Variants in SESTD1 observed in about 807,000 individuals in gnomAD.
SESTD1 encodes SEC14 and spectrin domain containing 1, also known as SEC14 domain and spectrin repeat-containing protein 1.
Under a neutral mutation model 101.7 loss-of-function variants are expected in SESTD1, and 43 were observed. The observed-to-expected ratio is 0.42, with a 90% CI of 0.33 to 0.55. SESTD1 has a LOEUF of 0.55. SESTD1 is among the 20% of genes least tolerant of loss of function. The probability of loss-of-function intolerance (pLI) is 0.07; values close to 1 mark genes in which losing one functional copy is unlikely to be tolerated. For missense variants in SESTD1, 647 were observed against 815.1 expected (o/e 0.79, Z 2.51); for synonymous variants, 283 against 286.8 (o/e 0.99, Z 0.13).
intron 4 of SESTD1, among the ~76,000 whole-genome samples, chr2:179,174,914 G>A (rs1390772225): frequency 6.7e-6 from 1 of 149,420 alleles, no homozygotes; most frequent in African/African-American, 2.5e-5. Context: ...CTGCACTCCA[G>A]GCTGAGTGAC....
intron 5 of SESTD1, among the ~76,000 whole-genome samples, chr2:179,158,554 T>G (rs1044648363): frequency 6.6e-6 from 1 of 152,188 alleles, no homozygotes; most frequent in African/African-American, 2.4e-5. Flanking sequence ...AGATTCACCT[T>G]CTTTTATGAC....
chr2:179,245,582 C>T (rs1046529149), intron 1 of SESTD1, among the ~76,000 whole-genome samples: 1 of 145,066 alleles, frequency 6.9e-6, no homozygotes, highest in African/African-American at 2.6e-5. Context: ...GTCCTAGCTA[C>T]TTAGGGGGAG....
At chr2:179,170,489 G>C (rs991184845) in intron 5 of SESTD1, among the ~76,000 whole-genome samples, 85 of 152,206 alleles carry the variant, frequency 5.6e-4, no homozygotes, top group African/African-American at 2.0e-3. Flanking sequence ...CCGGTTCCTG[G>C]CACAGAACTC....
At chr2:179,241,414 C>T (rs2105547240) in intron 1 of SESTD1, among the ~76,000 whole-genome samples, 2 of 152,130 alleles carry the variant, frequency 1.3e-5, no homozygotes, top group Middle Eastern at 6.8e-3. Context: ...CCAAGTTACA[C>T]CCTAATTAAA....
intron 15 of SESTD1, among the ~76,000 whole-genome samples, chr2:179,116,257 G>A (rs1305753972): frequency 6.6e-6 from 1 of 150,388 alleles, no homozygotes; most frequent in Non-Finnish European, 1.5e-5. Flanking sequence ...CTGGGCAACA[G>A]AGGAAGACTG....
At chr2:179,187,984 G>A (rs1318762444) in intron 2 of SESTD1, among the ~76,000 whole-genome samples, 1 of 152,028 alleles carries the variant, frequency 6.6e-6, no homozygotes, top group African/African-American at 2.4e-5. Flanking sequence ...CACAATAATA[G>A]CAGGGGATTT....
intron 4 of SESTD1, among the ~76,000 whole-genome samples, chr2:179,175,539 A>G (rs907769909): frequency 6.6e-6 from 1 of 152,154 alleles, no homozygotes; most frequent in African/African-American, 2.4e-5. Context: ...CCTGCCATCA[A>G]CTACTCTCAT....
At position 179,194,416 on chromosome 2, in the gene SESTD1, G is replaced by C. The variant is rs141008202; in HGVS notation, c.-25-2550C>G. Among the ~76,000 whole-genome samples, 857 of 152,192 alleles carry C rather than the reference G, an allele frequency of 5.6e-3. 5 individuals are homozygous for C. The highest frequency in any genetic ancestry group is 0.011 in the Non-Finnish European group (729 of 68,008). On this transcript the variant is annotated intron_variant, in intron 1 of 17. Transcript: ENST00000428443. ...TTTCCCAAATAAAAACTAAGCTTTG[G>C]CTCTTTCAGTAGGGGCCCTCCTCAT...
At chr2:179,112,985 A>T in intron 16 of SESTD1, 140 bp from the exon 17 acceptor site, 2 of 1,152,574 alleles carry the variant, frequency 1.7e-6, no homozygotes, top group Non-Finnish European at 2.4e-6. Flanking sequence ...TTGGTAGATT[A>T]AAGGCATTTT....
At chr2:179,185,733 T>C (rs373603100) in intron 2 of SESTD1, among the ~76,000 whole-genome samples, 73 of 44,654 alleles carry the variant, frequency 1.6e-3, no homozygotes, top group East Asian at 8.0e-3. Context: ...ATATTATATA[T>C]AATATAATAT....
At chr2:179,258,980 G>A (rs1001960529) in intron 1 of SESTD1, among the ~76,000 whole-genome samples, 2 of 152,178 alleles carry the variant, frequency 1.3e-5, no homozygotes, top group African/African-American at 4.8e-5. Context: ...TCAGTTTATA[G>A]TAGGTTCCCC....
intron 5 of SESTD1, among the ~76,000 whole-genome samples, chr2:179,161,514 T>C (rs2045735752): frequency 6.6e-6 from 1 of 151,988 alleles, no homozygotes; most frequent in African/African-American, 2.4e-5. Flanking sequence ...TGCAAAAATG[T>C]GCTGGGCGTG....
At chr2:179,193,882 C>G (rs1418636169) in intron 1 of SESTD1, among the ~76,000 whole-genome samples, 1 of 152,188 alleles carries the variant, frequency 6.6e-6, no homozygotes, top group East Asian at 1.9e-4. Flanking sequence ...TCCCGGCCAC[C>G]AGGTGGGACC....
intron 1 of SESTD1, among the ~76,000 whole-genome samples, chr2:179,230,961 C>T (rs899507891): frequency 7.9e-5 from 12 of 152,034 alleles, no homozygotes; most frequent in Non-Finnish European, 2.9e-5. Context: ...AAGCAACTTA[C>T]AGGGGCAAGA....
In SESTD1 at chr2:179,104,669, T is replaced by G. The variant is rs1386358060; in HGVS notation, c.*5230A>C. 6.6e-6 allele frequency: 1 copy of G among 152,134 alleles called. No homozygotes were observed. The highest frequency in any genetic ancestry group is 2.4e-5 in the African/African-American group (1 of 41,428). The allele number at this position is 152,134 out of a possible 1,614,324, so 9.4% of individuals were successfully genotyped here. A position where few individuals can be genotyped will look rare whatever the true frequency, so the allele number is the denominator to read the frequency against. On this transcript the variant is annotated 3_prime_UTR_variant, in exon 18 of 18. Transcript: ENST00000428443. The stretch of plus-strand genomic sequence containing the variant: ...CCCTTTTGTCAGAAAGTTTTCTACA[T>G]GCCTAACTTAAAATCCCTAATAACA...
At chr2:179,164,726 G>A (rs1182519918) in intron 5 of SESTD1, among the ~76,000 whole-genome samples, 2 of 152,108 alleles carry the variant, frequency 1.3e-5, no homozygotes, top group East Asian at 1.9e-4. Context: ...ATAGTAAGGA[G>A]GTTACCTAGA....
At chr2:179,233,964 T>C (rs1487857421) in intron 1 of SESTD1, among the ~76,000 whole-genome samples, 3 of 152,208 alleles carry the variant, frequency 2.0e-5, no homozygotes, top group South Asian at 2.1e-4. Flanking sequence ...TGGGCCACAG[T>C]GTGTCCAGGT....
At chr2:179,111,675 T>C (rs574555052) in intron 17 of SESTD1, among the ~76,000 whole-genome samples, 23 of 152,212 alleles carry the variant, frequency 1.5e-4, no homozygotes, top group African/African-American at 4.6e-4. Context: ...TTATTTTCAG[T>C]AAGAATCAGG....
intron 1 of SESTD1, among the ~76,000 whole-genome samples, chr2:179,230,114 T>TC (rs1491528980): frequency 0.015 from 330 of 21,490 alleles, 17 homozygotes; most frequent in South Asian, 0.048. Context: ...ATTGTATCTC[T>TC]TTTTTTTTTT....
Sources: gnomAD v4.1 joint callset for allele counts (sites outside exome capture counted in the v4.1 genomes callset) on GRCh38, gnomAD v4.1.1 for gene constraint, MANE v1.5 for transcripts, NCBI Gene and HGNC (gene_info 2026-07-23, HGNC 2026-07-21) for gene names.